The following BLVRA variants were observed in gnomAD, a reference collection of about 807,000 sequenced individuals.
BLVRA encodes biliverdin reductase A, also known as BVR A.
Under a neutral mutation model 32.8 loss-of-function variants are expected in BLVRA, and 22 were observed. The observed-to-expected ratio is 0.67, with a 90% CI of 0.48 to 0.96. The LOEUF (loss-of-function observed/expected upper bound fraction) is 0.96. BLVRA is among the 40% of genes least tolerant of loss of function. The pLI is 0.00. For synonymous variants in BLVRA, 119 were observed against 141.3 expected (o/e 0.84, Z 1.12); for missense variants, 323 against 358.1 (o/e 0.90, Z 0.79).
intron 1 of BLVRA, among the ~76,000 whole-genome samples, chr7:43,760,709 A>AAAAC (rs1554581003): frequency 1.3e-5 from 2 of 151,704 alleles, no homozygotes; most frequent in African/African-American, 4.9e-5. Flanking sequence ...TAAAAAAAAA[A>AAAAC]ACACTGAATA....
At chr7:43,758,330 TG>T (rs753702997), upstream of BLVRA, among the ~76,000 whole-genome samples, 5 of 110,632 alleles carry the variant, frequency 4.5e-5, no homozygotes, top group Admixed American at 1.7e-4. Context: ...CCCCCGGGCC[TG>T]CCCCCCCCAC....
At chr7:43,798,644 C>A (rs1212859145) in intron 5 of BLVRA, among the ~76,000 whole-genome samples, 1 of 152,216 alleles carries the variant, frequency 6.6e-6, no homozygotes, top group Non-Finnish European at 1.5e-5. Flanking sequence ...TAAGGCTCAT[C>A]TTGTACTTTC....
intron 7 of BLVRA, among the ~76,000 whole-genome samples, chr7:43,805,675 CAT>C (rs938109822): frequency 2.0e-5 from 3 of 152,166 alleles, no homozygotes; most frequent in African/African-American, 7.2e-5. Flanking sequence ...TTCTTAAAAT[CAT>C]AGTACTTTCC....
At chr7:43,779,101 GCTTCCCGAGTGAGGCA>G (rs2095765537) in intron 2 of BLVRA, among the ~76,000 whole-genome samples, 1 of 152,210 alleles carries the variant, frequency 6.6e-6, no homozygotes, top group Non-Finnish European at 1.5e-5. Context: ...GACCCCTTGC[GCTTCCCGAGTGAGGCA>G]CTGCCTCGCC....
Position 43,803,778 on chromosome 7 carries a change from C to G in BLVRA, c.563C>G (p.Ala188Gly). The change falls in exon 7 of 8, where the codon GCC (alanine) becomes GGC (glycine). Residue 188 changes from alanine to glycine, a missense_variant. Physicochemically the swap from Ala to Gly is moderately conservative, Grantham distance 60. Coordinates refer to ENST00000265523, the MANE Select transcript of BLVRA (RefSeq NM_000712.4). ...SLFGELSLVS[A>G]TLEERKEDQY... The stretch of plus-strand genomic sequence containing the variant: ...TTTGGGGAGCTTTCTCTTGTGTCTG[C>G]CACTTTGGAAGAGCGAAAGGAAGAT... The G allele has an allele frequency of 6.2e-7, 1 of 1,614,108 alleles. No individual in the cohort carries two copies. Among genetic ancestry groups the G allele is most frequent in the Non-Finnish European group, 8.5e-7 (1 of 1,179,986 alleles).
At chr7:43,774,619 C>T (rs868066564) in intron 2 of BLVRA, among the ~76,000 whole-genome samples, 4 of 152,108 alleles carry the variant, frequency 2.6e-5, no homozygotes, top group Non-Finnish European at 4.4e-5. Flanking sequence ...CTTGGCAATG[C>T]GGGCTCTTTT....
chr7:43,764,931 G>A lies in BLVRA; in HGVS notation c.-22+6197G>A, dbSNP rs369005267. Among the ~76,000 whole-genome samples the A allele has an allele frequency of 2.6e-4, 39 of 152,240 alleles. No homozygotes were observed. The South Asian group carries it at 5.8e-3, about 23-fold the overall frequency. ...CTGCTCTTGATCACATAGCTAGTGG[G>A]TGCCAAGCCAGGTCTAGAACTCTGT... is the stretch of plus-strand genomic sequence containing the variant. On this transcript the variant is annotated intron_variant, in intron 1 of 7. Coordinates refer to ENST00000265523, the MANE Select transcript of BLVRA (RefSeq NM_000712.4).
chr7:43,779,966 C>T (rs570401774), intron 2 of BLVRA, among the ~76,000 whole-genome samples: 18 of 152,070 alleles, frequency 1.2e-4, no homozygotes, highest in African/African-American at 3.6e-4. Context: ...CTCTGCCTCC[C>T]GGGTTCATGC....
rs1228733565 is a variant in BLVRA, at chr7:43,791,325, G to A, written c.211G>A (p.Ala71Thr). Residue 71 changes from alanine (A) to threonine (T), a missense_variant, in exon 4 of 8, where the codon GCC (alanine) becomes ACC (threonine). Transcript: ENST00000265523. Reference protein sequence around the residue: ...DALSSQEVEVAYICSESSSHE... With the variant: ...DALSSQEVEVTYICSESSSHE... ...TCTTTCCAGCCAAGAGGTGGAGGTCGCCTATATCTGCAGTGAGAGCTCCAG... is the reference window on the plus strand; with the variant it reads ...TCTTTCCAGCCAAGAGGTGGAGGTCACCTATATCTGCAGTGAGAGCTCCAG... The A allele has an allele frequency of 5.6e-6, 9 of 1,614,138 alleles. No homozygotes were observed. Among genetic ancestry groups the A allele is most frequent in the African/African-American group, 1.3e-5 (1 of 75,046 alleles).
rs371080616 is a variant in BLVRA, at chr7:43,800,922, C to T, written c.460+350C>T. Among the ~76,000 whole-genome samples the T allele has an allele frequency of 1.3e-3, 205 of 152,200 alleles. 3 individuals carry two copies. In the Middle Eastern group the frequency reaches 0.02, roughly 15 times the overall value. On this transcript the variant is annotated intron_variant, in intron 6 of 7. Coordinates refer to ENST00000265523, the MANE Select transcript of BLVRA (RefSeq NM_000712.4). ...ATATAATATGAAGAGCTCCCTTCCT[C>T]CTCTAGCAAGTTACAAGGACATTGG...
intron 2 of BLVRA, among the ~76,000 whole-genome samples, chr7:43,776,533 A>C (rs973169334): frequency 1.3e-5 from 2 of 152,142 alleles, no homozygotes; most frequent in Admixed American, 1.3e-4. Flanking sequence ...CTGTTCTTTT[A>C]CATCTTCTGA....
At chr7:43,776,237 G>A (rs1200300535) in intron 2 of BLVRA, among the ~76,000 whole-genome samples, 2 of 152,054 alleles carry the variant, frequency 1.3e-5, no homozygotes, top group African/African-American at 2.4e-5. Context: ...TGATGTTAGG[G>A]TGTCAATTTT....
intron 1 of BLVRA, among the ~76,000 whole-genome samples, chr7:43,761,409 A>G (rs919842431): frequency 3.2e-4 from 49 of 152,332 alleles, no homozygotes; most frequent in African/African-American, 1.1e-3. Context: ...TATTTAATTA[A>G]TTTATATTCC....
At chr7:43,774,993 C>T (rs1214440211) in intron 2 of BLVRA, among the ~76,000 whole-genome samples, 6 of 152,172 alleles carry the variant, frequency 3.9e-5, no homozygotes, top group Admixed American at 1.3e-4. Context: ...TGATTTTGTA[C>T]CCTGAGACTT....
At chr7:43,778,975 C>A (rs1174018577) in intron 2 of BLVRA, among the ~76,000 whole-genome samples, 1 of 152,260 alleles carries the variant, frequency 6.6e-6, no homozygotes, top group African/African-American at 2.4e-5. Context: ...AGAATATAAT[C>A]TCCTGTTGTG....
At chr7:43,769,171 G>A (rs2095751664) in intron 1 of BLVRA, among the ~76,000 whole-genome samples, 2 of 151,860 alleles carry the variant, frequency 1.3e-5, no homozygotes, top group African/African-American at 4.8e-5. Flanking sequence ...AGGACTATAG[G>A]TGTATGCCAC....
At chr7:43,790,961 C>T (rs778580279) in intron 3 of BLVRA, among the ~76,000 whole-genome samples, 1 of 152,250 alleles carries the variant, frequency 6.6e-6, no homozygotes, top group African/African-American at 2.4e-5. Flanking sequence ...GCTTGAGCCA[C>T]CGCGCCCAGC....
chr7:43,806,905 T>C (rs1563554758), intron 7 of BLVRA, 72 bp from the exon 8 acceptor site: 1 of 1,574,288 alleles, frequency 6.4e-7, no homozygotes, highest in Non-Finnish European at 8.7e-7. Flanking sequence ...CCAGGCGGTC[T>C]GGTGCCAGCA....
rs919252776 is a variant in BLVRA at position 43,787,586 on chromosome 7, G to A, written c.13-318G>A. ...CCATGGGCTGGGTCTGGGTTAATGG[G>A]GAAAGCTCCCTCATTATTGGAGATG... is the stretch of plus-strand genomic sequence containing the variant. On this transcript the variant is annotated intron_variant, in intron 2 of 7. Coordinates refer to ENST00000265523, the MANE Select transcript of BLVRA (RefSeq NM_000712.4). This position sits in a 1 kb window ranked among gnomAD's most constrained non-coding sequence, Gnocchi z 4.5. 6.6e-6 allele frequency among the ~76,000 whole-genome samples: 1 copy of A among 152,138 alleles called. No individual in the cohort carries two copies. Among genetic ancestry groups the A allele is most frequent in the Non-Finnish European group, 1.5e-5 (1 of 68,014 alleles).
Sources: allele counts gnomAD v4.1 joint callset (sites outside exome capture counted in the v4.1 genomes callset), GRCh38; gene constraint gnomAD v4.1.1; non-coding constraint Gnocchi (gnomAD v3.1); transcripts MANE v1.5; gene names NCBI Gene and HGNC (gene_info 2026-07-23, HGNC 2026-07-21).